ATP6V1C1: variants seen among roughly 807,000 people sequenced by gnomAD.
ATP6V1C1 encodes ATPase H+ transporting V1 subunit C1, also known as V-type proton ATPase subunit C 1.
Under a neutral mutation model 53.9 loss-of-function variants are expected in ATP6V1C1, and 45 were observed. That is an observed-to-expected ratio of 0.83 (90% CI 0.66 to 1.07). The LOEUF (loss-of-function observed/expected upper bound fraction) is 1.07, where lower values mean the gene tolerates loss of function less well. Among genes scored for constraint, ATP6V1C1 ranks in the 50% least tolerant of loss-of-function variants. The pLI is 0.00. For missense variants in ATP6V1C1, 315 were observed against 440.3 expected, an observed-to-expected ratio of 0.72 and a Z score of 2.55; for synonymous variants, 153 against 155.2, an observed-to-expected ratio of 0.99 and a Z score of 0.11.
chr8:103,068,186 A>G (rs1319096753), intron 12 of ATP6V1C1, among the ~76,000 whole-genome samples: 2 of 152,142 alleles, frequency 1.3e-5, no homozygotes, highest in African/African-American at 2.4e-5. Flanking sequence ...GAGTCTCACT[A>G]TGTTGCCCAG....
At position 103,072,670 on chromosome 8, in the gene ATP6V1C1, C is replaced by T. The variant is rs1817605635; in HGVS notation, c.*3923C>T. On this transcript the variant is annotated 3_prime_UTR_variant, in exon 13 of 13. Transcript: ENST00000518738. Reference sequence around the variant, plus strand: ...CATATATGGAGGTAATTCTTGCTTTCTAAAGAAAGGAATATGGCACATTGG... The same window carrying T: ...CATATATGGAGGTAATTCTTGCTTTTTAAAGAAAGGAATATGGCACATTGG... 6.6e-6 allele frequency: 1 copy of T among 152,130 alleles called. No individual in the cohort carries two copies. Among genetic ancestry groups the T allele is most frequent in the African/African-American group, 2.4e-5 (1 of 41,424 alleles). 9.4% of individuals were successfully genotyped at this position (152,130 alleles called of 1,614,324 possible).
chr8:103,049,725 G>A (rs556671389), intron 4 of ATP6V1C1, among the ~76,000 whole-genome samples: 2 of 152,210 alleles, frequency 1.3e-5, no homozygotes, highest in African/African-American at 4.8e-5. Context: ...TCTCTTGAGT[G>A]CAGGAGTTCA....
intron 7 of ATP6V1C1, among the ~76,000 whole-genome samples, chr8:103,054,994 A>AT (rs1277836268): frequency 6.6e-6 from 1 of 151,858 alleles, no homozygotes; most frequent in African/African-American, 2.4e-5. Flanking sequence ...AAAATTTTGG[A>AT]TTTTTCTTTG....
At chr8:103,058,466 T>G (rs1257121492) in intron 8 of ATP6V1C1, among the ~76,000 whole-genome samples, 1 of 152,242 alleles carries the variant, frequency 6.6e-6, no homozygotes, top group Non-Finnish European at 1.5e-5. Context: ...CCTGGAATAT[T>G]GTCTGCCATT....
At chr8:103,062,578 T>C (rs1026056597) in intron 8 of ATP6V1C1, among the ~76,000 whole-genome samples, 1 of 152,104 alleles carries the variant, frequency 6.6e-6, no homozygotes, top group Non-Finnish European at 1.5e-5. Flanking sequence ...TGAGTTGGCC[T>C]GGAGAAAGGA....
intron 1 of ATP6V1C1, among the ~76,000 whole-genome samples, chr8:103,023,597 T>C (rs1816638063): frequency 6.6e-6 from 1 of 152,232 alleles, no homozygotes; most frequent in African/African-American, 2.4e-5. Flanking sequence ...TTTATCCTTT[T>C]GTAAGGTCAT....
intron 1 of ATP6V1C1, among the ~76,000 whole-genome samples, chr8:103,025,228 T>G (rs1200288863): frequency 6.6e-6 from 1 of 152,244 alleles, no homozygotes; most frequent in African/African-American, 2.4e-5. Context: ...AAGGTTTTCC[T>G]TTTGAATCAG....
intron 12 of ATP6V1C1, among the ~76,000 whole-genome samples, chr8:103,067,766 G>T (rs1197943673): frequency 6.6e-6 from 1 of 151,728 alleles, no homozygotes; most frequent in Non-Finnish European, 1.5e-5. Flanking sequence ...TGTATTTTTA[G>T]TAGAGCTGCG....
chr8:103,027,668 A>T (rs1287245149), intron 1 of ATP6V1C1, among the ~76,000 whole-genome samples: 3 of 149,608 alleles, frequency 2.0e-5, no homozygotes, highest in African/African-American at 7.4e-5. Flanking sequence ...CTTTCCTCCC[A>T]CTTTTTTCCC....
At chr8:103,032,828 CT>C (rs1174204581) in intron 1 of ATP6V1C1, among the ~76,000 whole-genome samples, 6 of 152,138 alleles carry the variant, frequency 3.9e-5, no homozygotes, top group African/African-American at 1.4e-4. Context: ...AGAAATTCTA[CT>C]TTTAGAATTT....
chr8:103,034,889 AC>A (rs1816865114), intron 1 of ATP6V1C1, among the ~76,000 whole-genome samples: 1 of 152,140 alleles, frequency 6.6e-6, no homozygotes, highest in African/African-American at 2.4e-5. Flanking sequence ...AAATTTTTTT[AC>A]CTGACTTGTG....
intron 1 of ATP6V1C1, among the ~76,000 whole-genome samples, chr8:103,035,298 C>A (rs1462060047): frequency 6.6e-6 from 1 of 150,574 alleles, no homozygotes; most frequent in Non-Finnish European, 1.5e-5. Context: ...CTAAATCAGA[C>A]GTTTTGATTG....
At chr8:103,036,718 T>C (rs1816904462) in intron 1 of ATP6V1C1, among the ~76,000 whole-genome samples, 1 of 152,208 alleles carries the variant, frequency 6.6e-6, no homozygotes, top group Admixed American at 6.5e-5. Flanking sequence ...GGAAGCCTGT[T>C]AGAAGAAAAG....
At chr8:103,046,748 A>G (rs1319487186) in intron 3 of ATP6V1C1, among the ~76,000 whole-genome samples, 1 of 152,200 alleles carries the variant, frequency 6.6e-6, no homozygotes, top group Non-Finnish European at 1.5e-5. Flanking sequence ...CCAAGTGTTA[A>G]AGGCCAAATA....
chr8:103,063,067 GTTTA>G lies in ATP6V1C1; in HGVS notation c.734+25_734+28del. 1 of 1,612,324 alleles carries G rather than the reference GTTTA, an allele frequency of 6.2e-7. No homozygotes were observed. The highest frequency in any genetic ancestry group is 2.2e-5 in the East Asian group (1 of 44,768). On this transcript the variant is annotated intron_variant, in intron 9 of 12. Transcript: ENST00000518738. ...AAACAAGTAAGATTATTGTTTTTTT[GTTTA>G]TTTACTTTGTTAGATCAGCTGTATA...
At chr8:103,031,930 C>T (rs1404165299) in intron 1 of ATP6V1C1, among the ~76,000 whole-genome samples, 4 of 151,760 alleles carry the variant, frequency 2.6e-5, no homozygotes, top group South Asian at 4.1e-4. Context: ...ACTCAACAAA[C>T]TCGAAGCAGA....
chr8:103,027,825 A>G (rs1056278692), intron 1 of ATP6V1C1, among the ~76,000 whole-genome samples: 1 of 151,874 alleles, frequency 6.6e-6, no homozygotes, highest in Non-Finnish European at 1.5e-5. Context: ...TGACATCTAC[A>G]TGAAGTCTTC....
At chr8:103,047,884 TTC>T (rs993299216) in intron 3 of ATP6V1C1, among the ~76,000 whole-genome samples, 17 of 152,324 alleles carry the variant, frequency 1.1e-4, no homozygotes, top group African/African-American at 3.6e-4. Flanking sequence ...CCTTTTTCCT[TTC>T]TCTCTCTCTG....
chr8:103,061,822 G>A (rs1278640305), intron 8 of ATP6V1C1, among the ~76,000 whole-genome samples: 1 of 152,212 alleles, frequency 6.6e-6, no homozygotes, highest in East Asian at 1.9e-4. Context: ...GGTTATCGCT[G>A]TGGAACAGCT....
Sources: allele counts gnomAD v4.1 joint callset (sites outside exome capture counted in the v4.1 genomes callset), GRCh38; gene constraint gnomAD v4.1.1; transcripts MANE v1.5; gene names NCBI Gene and HGNC (gene_info 2026-07-23, HGNC 2026-07-21).